Variants in CGGBP1 observed in about 807,000 individuals in gnomAD.
The protein encoded by CGGBP1 is CGG triplet repeat-binding protein 1.
In CGGBP1, 4 loss-of-function variants were observed where a neutral mutation model predicts 11.4. That is an observed-to-expected ratio of 0.35 (90% CI 0.17 to 0.80). The LOEUF (loss-of-function observed/expected upper bound fraction) is 0.80, where lower values mean the gene tolerates loss of function less well. CGGBP1 is among the 30% of genes least tolerant of loss of function. CGGBP1 has a pLI of 0.52. For synonymous variants in CGGBP1, 76 were observed against 74.1 expected (o/e 1.03, Z -0.13); for missense variants, 135 against 202.1 (o/e 0.67, Z 2.01).
At chr3:88,131,070 A>C (rs1559730676) in intron 2 of CGGBP1, among the ~76,000 whole-genome samples, 1 of 152,160 alleles carries the variant, frequency 6.6e-6, no homozygotes, top group Non-Finnish European at 1.5e-5. Flanking sequence ...GTAGAGATAC[A>C]AACCTAGATG....
intron 2 of CGGBP1, chr3:88,129,794 A>G (rs1418770552): frequency 6.6e-7 from 1 of 1,526,096 alleles, no homozygotes. Context: ...TTCTTATTCC[A>G]CAGCTCCAGA....
At chr3:88,087,615 C>T (rs1207008988) in intron 2 of CGGBP1, among the ~76,000 whole-genome samples, 24 of 152,308 alleles carry the variant, frequency 1.6e-4, no homozygotes, top group East Asian at 1.9e-4. Flanking sequence ...CGGAGCAAGT[C>T]ACAGCTTCAT....
chr3:88,061,715 G>A (rs986951670), upstream of CGGBP1, among the ~76,000 whole-genome samples: 4 of 152,056 alleles, frequency 2.6e-5, no homozygotes, highest in African/African-American at 9.7e-5. Flanking sequence ...GGGAAGCAGG[G>A]GGATTATTTA....
Position 88,124,774 on chromosome 3 carries a change from T to G in CGGBP1, c.-229+16196A>C, listed in dbSNP as rs1460784739. On this transcript the variant is annotated intron_variant, in intron 2 of 3. Coordinates refer to the CGGBP1 transcript ENST00000462901. ...TTTTGATTGATGTACAATACTCAGT[T>G]TTTTTTTTTTCAACATTGCCAGTTT... Among the ~76,000 whole-genome samples, 36 of 8,988 alleles carry G rather than the reference T, an allele frequency of 4.0e-3. No individual in the cohort carries two copies. The East Asian group carries it at 0.13, about 33-fold the overall frequency. The allele number at this position is 8,988 out of a possible 152,430, so 5.9% of individuals were successfully genotyped here.
intron 2 of CGGBP1, among the ~76,000 whole-genome samples, chr3:88,106,807 A>AT (rs940131296): frequency 2.9e-4 from 44 of 151,594 alleles, no homozygotes; most frequent in Non-Finnish European, 4.3e-4. Context: ...TTATATGAGG[A>AT]TTTTTTTTTC....
chr3:88,076,559 T>G (rs996973896), intron 2 of CGGBP1, among the ~76,000 whole-genome samples: 2 of 152,198 alleles, frequency 1.3e-5, no homozygotes, highest in African/African-American at 4.8e-5. Context: ...TAATTGTGAG[T>G]GCATCATCTG....
chr3:88,100,164 G>A (rs1021243081), intron 2 of CGGBP1, among the ~76,000 whole-genome samples: 6 of 152,096 alleles, frequency 3.9e-5, no homozygotes, highest in Non-Finnish European at 5.9e-5. Flanking sequence ...AGTGGGTGCC[G>A]GATATGAACA....
intron 2 of CGGBP1, among the ~76,000 whole-genome samples, chr3:88,111,275 A>G (rs919665057): frequency 1.3e-5 from 2 of 152,010 alleles, no homozygotes; most frequent in Non-Finnish European, 2.9e-5. Context: ...ATAACGAAAA[A>G]TAATTCTCCC....
chr3:88,102,913 G>A (rs551966244), intron 2 of CGGBP1, among the ~76,000 whole-genome samples: 1 of 144,100 alleles, frequency 6.9e-6, no homozygotes, highest in East Asian at 2.1e-4. Context: ...GCTGAGGTTT[G>A]GGATATGAAT....
chr3:88,121,039 C>T (rs1275504370), intron 2 of CGGBP1, among the ~76,000 whole-genome samples: 12 of 151,862 alleles, frequency 7.9e-5, no homozygotes, highest in African/African-American at 2.2e-4. Context: ...CACCATGGTA[C>T]GTGTATACCT....
intron 2 of CGGBP1, among the ~76,000 whole-genome samples, chr3:88,119,549 T>TAA (rs56122963): frequency 7.0e-6 from 1 of 142,076 alleles, no homozygotes; most frequent in African/African-American, 2.6e-5. Context: ...AATAATAAAT[T>TAA]AAAAAAAAAA....
intron 2 of CGGBP1, among the ~76,000 whole-genome samples, chr3:88,106,146 G>A (rs1401602370): frequency 1.3e-5 from 2 of 152,080 alleles, no homozygotes; most frequent in Non-Finnish European, 2.9e-5. Context: ...CTCAGTCTCA[G>A]GTACTCTGTT....
chr3:88,059,787 C>T (rs1706745424), upstream of CGGBP1, among the ~76,000 whole-genome samples: 1 of 152,142 alleles, frequency 6.6e-6, no homozygotes, highest in Non-Finnish European at 1.5e-5. Flanking sequence ...TCTGTCCTGA[C>T]ATGCCTTCCC....
intron 2 of CGGBP1, among the ~76,000 whole-genome samples, chr3:88,096,314 A>G (rs1704055811): frequency 6.6e-6 from 1 of 152,110 alleles, no homozygotes; most frequent in South Asian, 2.1e-4. Flanking sequence ...AGAAAGTATT[A>G]CTAGAGCCCA....
chr3:88,071,284 C>T (rs1185874823), intron 2 of CGGBP1, among the ~76,000 whole-genome samples: 5 of 152,112 alleles, frequency 3.3e-5, no homozygotes, highest in Non-Finnish European at 5.9e-5. Flanking sequence ...CCAAGGTGGG[C>T]GGATCACCTG....
chr3:88,136,670 G>A (rs1373266067), intron 2 of CGGBP1, among the ~76,000 whole-genome samples: 1 of 152,142 alleles, frequency 6.6e-6, no homozygotes, highest in Non-Finnish European at 1.5e-5. Flanking sequence ...GAAGTGGGTG[G>A]GGGATGAGAC....
At chr3:88,097,195 A>C (rs1704116944) in intron 2 of CGGBP1, among the ~76,000 whole-genome samples, 1 of 152,142 alleles carries the variant, frequency 6.6e-6, no homozygotes, top group Non-Finnish European at 1.5e-5. Flanking sequence ...GGAGTAGATT[A>C]ATTGCTAGAT....
chr3:88,138,168 C>T (rs562685202), intron 2 of CGGBP1, among the ~76,000 whole-genome samples: 6 of 152,052 alleles, frequency 3.9e-5, no homozygotes, highest in Non-Finnish European at 8.8e-5. Flanking sequence ...TTTATGTGTG[C>T]CACATTTCCC....
At chr3:88,103,002 C>T (rs1464729538) in intron 2 of CGGBP1, among the ~76,000 whole-genome samples, 1 of 151,964 alleles carries the variant, frequency 6.6e-6, no homozygotes, top group Non-Finnish European at 1.5e-5. Context: ...TAGTAGTCTC[C>T]AGTGTCTGTT....
Sources: allele counts gnomAD v4.1 joint callset (sites outside exome capture counted in the v4.1 genomes callset), GRCh38; gene constraint gnomAD v4.1.1; transcripts MANE v1.5; gene names NCBI Gene and HGNC (gene_info 2026-07-23, HGNC 2026-07-21).